GPN2: variants seen among roughly 807,000 people sequenced by gnomAD.
The protein encoded by GPN2 is ATP-binding domain 1 family member B.
In GPN2, 27 loss-of-function variants were observed where a neutral mutation model predicts 30.1. The observed-to-expected ratio is 0.90, with a 90% CI of 0.66 to 1.24. GPN2 has a LOEUF of 1.24. Ranked by LOEUF, GPN2 falls within the 50% of genes most tolerant of loss-of-function variation. The pLI is 0.00. For synonymous variants in GPN2, 212 were observed against 174.4 expected (o/e 1.22, Z -1.70); for missense variants, 406 against 405.4 (o/e 1.00, Z -0.01).
Position 26,882,235 on chromosome 1 carries a change from A to G in GPN2, c.860+1925T>C, listed in dbSNP as rs948064245. 1.1e-3 allele frequency among the ~76,000 whole-genome samples: 170 copies of G among 150,134 alleles called. 1 individual carries two copies. The highest frequency in any genetic ancestry group is 2.9e-3 in the African/African-American group (120 of 41,000). Reference sequence around the variant, plus strand: ...TCCGTCTCAAAAAAAAAAAAAAAAAAGGGCCAGGTGTGGTGGAGCATGCCT... The same window carrying G: ...TCCGTCTCAAAAAAAAAAAAAAAAAGGGGCCAGGTGTGGTGGAGCATGCCT... On this transcript the variant is annotated intron_variant, in intron 4 of 4. Transcript: ENST00000374135.
At position 26,889,953 on chromosome 1, in the gene GPN2, G is replaced by A. The variant is rs1403625810; in HGVS notation, c.144C>T (p.Ala48=). The part of the protein sequence containing the change: ...RRVAVVNLDP[A]NEGLPYECAV... ...CACACTCGTACGGCAGCCCCTCGTT[G>A]GCCGGGTCCAGGTTCACCACCGCCA... Residue 48 remains alanine (A), a synonymous_variant, in exon 1 of 5, where the codon GCC becomes GCT. Transcript: ENST00000374135. 1 of 1,607,166 alleles carries A rather than the reference G, an allele frequency of 6.2e-7. No homozygotes were observed. Among genetic ancestry groups the A allele is most frequent in the South Asian group, 1.1e-5 (1 of 90,970 alleles).
intron 1 of GPN2, 86 bp downstream of exon 1, chr1:26,889,600 C>T (rs2081909319): frequency 7.5e-7 from 1 of 1,329,252 alleles, no homozygotes; most frequent in African/African-American, 1.5e-5. Flanking sequence ...GCCCCTACCT[C>T]CCTGTGTGAC....
At chr1:26,883,124 T>A (rs1181530211) in intron 4 of GPN2, among the ~76,000 whole-genome samples, 1 of 152,216 alleles carries the variant, frequency 6.6e-6, no homozygotes, top group African/African-American at 2.4e-5. Context: ...TTTCCACAAT[T>A]GCAGGGGCTT....
At chr1:26,879,794 G>T in intron 4 of GPN2, 45 bp from the exon 5 acceptor site, 1 of 1,389,900 alleles carries the variant, frequency 7.2e-7, no homozygotes, top group South Asian at 1.2e-5. Context: ...CAGAGGATGG[G>T]GAGCTGGTCT....
At chr1:26,879,848 C>T in intron 4 of GPN2, 99 bp from the exon 5 acceptor site, 1 of 765,736 alleles carries the variant, frequency 1.3e-6, no homozygotes, top group Non-Finnish European at 2.3e-6. Context: ...CCAACCATGT[C>T]CATCCCTCTC....
Position 26,876,840 on chromosome 1 carries a change from C to T in GPN2, c.*2837G>A, listed in dbSNP as rs187773227. 1.3e-5 allele frequency: 2 copies of T among 151,938 alleles called. No homozygotes were observed. Among genetic ancestry groups the T allele is most frequent in the South Asian group, 4.1e-4 (2 of 4,822 alleles). 9.4% of individuals were successfully genotyped at this position (151,938 alleles called of 1,614,324 possible). ...GGCCTTGGATTACTCCCACCCATCT[C>T]CACTCCATGGGTGCAGAGAATGCTG... is the stretch of plus-strand genomic sequence containing the variant. On this transcript the variant is annotated 3_prime_UTR_variant, in exon 5 of 5. Coordinates refer to ENST00000374135, the MANE Select transcript of GPN2 (RefSeq NM_018066.4).
chr1:26,884,090 A>ACCTCCTGCT, intron 4 of GPN2, 70 bp downstream of exon 4: 3 of 1,266,782 alleles, frequency 2.4e-6, no homozygotes, highest in Non-Finnish European at 2.2e-6. Flanking sequence ...TGATGACTGC[A>ACCTCCTGCT]CCTCCTGTGG....
At chr1:26,880,112 T>A (rs534530092) in intron 4 of GPN2, among the ~76,000 whole-genome samples, 1 of 152,320 alleles carries the variant, frequency 6.6e-6, no homozygotes, top group Non-Finnish European at 1.5e-5. Context: ...TAGGACACCA[T>A]GGCTGTTGTA....
At position 26,889,114 on chromosome 1, in the gene GPN2, G is replaced by C; in HGVS notation, c.423C>G (p.Val141=). The change falls in exon 2 of 5, where the codon GTC becomes GTG. Residue 141 remains valine (V), a synonymous_variant. Transcript: ENST00000374135. Reference sequence around the variant, plus strand: ...TGCAGTAGTGAGAATCCACGAGGTGGACGGCAGTCAGCTGGGAGGGAATAG... The same window carrying C: ...TGCAGTAGTGAGAATCCACGAGGTGCACGGCAGTCAGCTGGGAGGGAATAG... ...MAQWDLRLTA[V]HLVDSHYCTD... 6.2e-7 allele frequency: 1 copy of C among 1,613,580 alleles called. No homozygotes were observed. The highest frequency in any genetic ancestry group is 1.1e-5 in the South Asian group (1 of 91,056).
At chr1:26,882,424 C>T (rs985011511) in intron 4 of GPN2, among the ~76,000 whole-genome samples, 1 of 152,078 alleles carries the variant, frequency 6.6e-6, no homozygotes, top group African/African-American at 2.4e-5. Context: ...TCCAATTGGC[C>T]TACATTAACT....
chr1:26,882,145 A>C (rs1455059625), intron 4 of GPN2, among the ~76,000 whole-genome samples: 1 of 148,580 alleles, frequency 6.7e-6, no homozygotes, highest in Non-Finnish European at 1.5e-5. Context: ...TGAACGTGGG[A>C]GATGGAGGTT....
At chr1:26,887,184 A>G (rs1400360766) in intron 2 of GPN2, among the ~76,000 whole-genome samples, 1 of 152,136 alleles carries the variant, frequency 6.6e-6, no homozygotes, top group African/African-American at 2.4e-5. Context: ...CCTCCTGGGT[A>G]AATCACTTTC....
intron 1 of GPN2, 126 bp downstream of exon 1, chr1:26,889,560 C>T (rs938061144): frequency 9.3e-6 from 8 of 860,382 alleles, no homozygotes; most frequent in South Asian, 3.4e-5. Context: ...AGATTCTGAA[C>T]TCATGCCTGT....
chr1:26,887,591 T>C (rs2081897163), intron 2 of GPN2, among the ~76,000 whole-genome samples: 2 of 151,894 alleles, frequency 1.3e-5, no homozygotes, highest in South Asian at 4.2e-4. Context: ...AGACAGAGTC[T>C]TGCTCTGTCG....
At chr1:26,883,533 T>A (rs545108194) in intron 4 of GPN2, among the ~76,000 whole-genome samples, 58 of 151,440 alleles carry the variant, frequency 3.8e-4, no homozygotes, top group African/African-American at 1.3e-3. Flanking sequence ...ATGCCTGTAA[T>A]CCCAGCACTT....
Position 26,886,027 on chromosome 1 carries a change from T to C in GPN2, c.675A>G (p.Leu225=). ...FRHYRQLNEK[L]VQLIEDYSLV... ...GGCTATAGTCTTCGATGAGCTGCAC[T>C]AGCTTCTCATTGAGCTGGCGGTAGT... The change falls in exon 3 of 5, where the codon CTA becomes CTG. Residue 225 remains leucine, a synonymous_variant. Coordinates refer to ENST00000374135, the MANE Select transcript of GPN2 (RefSeq NM_018066.4). The C allele has an allele frequency of 1.2e-6, 2 of 1,612,660 alleles. No individual in the cohort carries two copies. The highest frequency in any genetic ancestry group is 8.5e-7 in the Non-Finnish European group (1 of 1,178,698).
chr1:26,876,551 ATATT>A lies in GPN2; in HGVS notation c.*3122_*3125del, dbSNP rs2124288796. ...CATTTTCTAAGTTTTTTACTTTCCT[ATATT>A]TATTAGGAAATTTAAAAATAATCTT... On this transcript the variant is annotated 3_prime_UTR_variant, in exon 5 of 5. Coordinates refer to ENST00000374135, the MANE Select transcript of GPN2 (RefSeq NM_018066.4). 6.6e-6 allele frequency: 1 copy of A among 152,102 alleles called. No individual in the cohort carries two copies. Among genetic ancestry groups the A allele is most frequent in the East Asian group, 1.9e-4 (1 of 5,172 alleles). 9.4% of individuals were successfully genotyped at this position (152,102 alleles called of 1,614,324 possible). A position where few individuals can be genotyped will look rare whatever the true frequency, so the allele number is the denominator to read the frequency against.
Position 26,878,104 on chromosome 1 carries a change from C to T in GPN2, c.*1573G>A, listed in dbSNP as rs2081846291. 6.6e-6 allele frequency: 1 copy of T among 152,144 alleles called. No individual in the cohort carries two copies. The highest frequency in any genetic ancestry group is 2.1e-4 in the South Asian group (1 of 4,832). The allele number at this position is 152,144 out of a possible 1,614,324, so 9.4% of individuals were successfully genotyped here. A position where few individuals can be genotyped will look rare whatever the true frequency, so the allele number is the denominator to read the frequency against. Reference sequence around the variant, plus strand: ...TCTTGCCCAAGCCATCAGTCCTGCCCCTTCTGCCACCAGGTTACAACTGCA... The same window carrying T: ...TCTTGCCCAAGCCATCAGTCCTGCCTCTTCTGCCACCAGGTTACAACTGCA... On this transcript the variant is annotated 3_prime_UTR_variant, in exon 5 of 5. Transcript: ENST00000374135.
At chr1:26,880,254 G>A (rs1387210093) in intron 4 of GPN2, among the ~76,000 whole-genome samples, 1 of 152,158 alleles carries the variant, frequency 6.6e-6, no homozygotes, top group African/African-American at 2.4e-5. Flanking sequence ...TTGAAATGAG[G>A]ATTAAATGAC....
Sources: gnomAD v4.1 joint callset for allele counts (sites outside exome capture counted in the v4.1 genomes callset) on GRCh38, gnomAD v4.1.1 for gene constraint, MANE v1.5 for transcripts, NCBI Gene and HGNC (gene_info 2026-07-23, HGNC 2026-07-21) for gene names.